Variants in CST7 observed in about 807,000 individuals in gnomAD.
The protein encoded by CST7 is cystatin F, also known as cystatin-F.
A neutral mutation model predicts 13.1 loss-of-function variants in CST7; 15 were observed. That is an observed-to-expected ratio of 1.14 (90% CI 0.77 to 1.76). The LOEUF (loss-of-function observed/expected upper bound fraction) is 1.76. Ranked by LOEUF, CST7 falls within the 40% of genes most tolerant of loss-of-function variation. CST7 has a pLI of 0.00. For synonymous variants in CST7, 75 were observed against 66.9 expected, an observed-to-expected ratio of 1.12 and a Z score of -0.59; for missense variants, 193 against 178.8, an observed-to-expected ratio of 1.08 and a Z score of -0.45.
At chr20:24,958,289 C>T (rs1412517006) in intron 2 of CST7, among the ~76,000 whole-genome samples, 1 of 152,122 alleles carries the variant, frequency 6.6e-6, no homozygotes, top group Non-Finnish European at 1.5e-5. Context: ...CTGGGTGATG[C>T]AGGCCCTCCC....
At chr20:24,957,542 C>T (rs1288465194) in intron 2 of CST7, 83 bp downstream of exon 2, 11 of 1,381,446 alleles carry the variant, frequency 8.0e-6, no homozygotes, top group Admixed American at 3.8e-5. Flanking sequence ...GAGAGCAGGG[C>T]GGATATAATG....
chr20:24,949,532 C>A lies in CST7; in HGVS notation c.27C>A (p.Ala9=). MRAAGTLL[A]FCCLVLSTTG... ...TGCGAGCGGCTGGAACTCTGCTGGC[C>A]TTCTGCTGCCTGGTCTTGAGCACCA... Residue 9 remains alanine (A), a synonymous_variant, in exon 1 of 4, where the codon GCC becomes GCA. Coordinates refer to ENST00000480798, the MANE Select transcript of CST7 (RefSeq NM_003650.4). 6.2e-7 allele frequency: 1 copy of A among 1,614,152 alleles called. No individual in the cohort carries two copies. The highest frequency in any genetic ancestry group is 1.7e-5 in the Admixed American group (1 of 60,026).
intron 1 of CST7, among the ~76,000 whole-genome samples, chr20:24,954,854 TAA>T (rs1296230290): frequency 6.6e-6 from 1 of 152,178 alleles, no homozygotes; most frequent in Non-Finnish European, 1.5e-5. Context: ...TTTTATTTTT[TAA>T]AAAAGTTAAT....
Position 24,953,935 on chromosome 20 carries a change from G to A in CST7, c.71-3352G>A, listed in dbSNP as rs1042717255. Among the ~76,000 whole-genome samples, 8 of 152,094 alleles carry A rather than the reference G, an allele frequency of 5.3e-5. No homozygotes were observed. In the South Asian group the frequency reaches 6.2e-4, roughly 12 times the overall value. Reference sequence around the variant, plus strand: ...TCTGCACCCAGCAGCAGCCTCCAGCGGGGTCTCCCCAACTCTTCCCAGCAC... The same window carrying A: ...TCTGCACCCAGCAGCAGCCTCCAGCAGGGTCTCCCCAACTCTTCCCAGCAC... On this transcript the variant is annotated intron_variant, in intron 1 of 3. Transcript: ENST00000480798.
intron 2 of CST7, 28 bp downstream of exon 2, chr20:24,957,487 C>G (rs1490544623): frequency 2.5e-6 from 4 of 1,607,318 alleles, no homozygotes; most frequent in Non-Finnish European, 3.4e-6. Flanking sequence ...GGTCACATAT[C>G]ACGGACACCC....
chr20:24,951,817 GA>G (rs1431028026), intron 1 of CST7, among the ~76,000 whole-genome samples: 1 of 152,196 alleles, frequency 6.6e-6, no homozygotes, highest in Non-Finnish European at 1.5e-5. Context: ...CCACCCTTTT[GA>G]AAAGGGCTGT....
At chr20:24,955,306 C>T (rs1158989208) in intron 1 of CST7, among the ~76,000 whole-genome samples, 1 of 152,186 alleles carries the variant, frequency 6.6e-6, no homozygotes, top group African/African-American at 2.4e-5. Flanking sequence ...CCCAAGGGAC[C>T]CCTCACTGCC....
In CST7 at chr20:24,949,306, C is replaced by T. The variant is rs2087803851; in HGVS notation, c.-200C>T. On this transcript the variant is annotated 5_prime_UTR_variant, in exon 1 of 4. Transcript: ENST00000480798. ...TGCCCAAGAAGGCTCAGCACAGGCA[C>T]AAACCATTGCCCGGCACTGGCCCGT... The T allele has an allele frequency of 2.7e-6, 4 of 1,484,500 alleles. No homozygotes were observed. Among genetic ancestry groups the T allele is most frequent in the Non-Finnish European group, 3.6e-6 (4 of 1,108,638 alleles). 92.0% of individuals were successfully genotyped at this position (1,484,500 alleles called of 1,614,324 possible). A position where few individuals can be genotyped will look rare whatever the true frequency, so the allele number is the denominator to read the frequency against.
intron 1 of CST7, among the ~76,000 whole-genome samples, chr20:24,952,332 T>C (rs948043862): frequency 4.6e-5 from 7 of 152,206 alleles, no homozygotes. Context: ...GAGCTGGAAT[T>C]CAAACTCCGG....
Position 24,949,638 on chromosome 20 carries a change from C to T in CST7, c.70+63C>T, listed in dbSNP as rs944923617. 6 of 1,597,846 alleles carry T rather than the reference C, an allele frequency of 3.8e-6. No individual in the cohort carries two copies. In the Admixed American group the frequency reaches 5.1e-5, roughly 14 times the overall value. ...TCTCCCTGAGATTGGCCACTGGTGC[C>T]TTGGGTCTTCCCCAGGGCACTTTCC... On this transcript the variant is annotated intron_variant, in intron 1 of 3. Coordinates refer to ENST00000480798, the MANE Select transcript of CST7 (RefSeq NM_003650.4).
chr20:24,955,586 A>C (rs919659227), intron 1 of CST7, among the ~76,000 whole-genome samples: 1 of 151,654 alleles, frequency 6.6e-6, no homozygotes, highest in African/African-American at 2.4e-5. Flanking sequence ...AGTACCTGGG[A>C]CTACAGGTGC....
intron 1 of CST7, among the ~76,000 whole-genome samples, chr20:24,953,945 C>T (rs2087837289): frequency 6.6e-6 from 1 of 152,176 alleles, no homozygotes; most frequent in Non-Finnish European, 1.5e-5. Flanking sequence ...GGGGTCTCCC[C>T]AACTCTTCCC....
intron 2 of CST7, 78 bp downstream of exon 2, chr20:24,957,537 C>G (rs140894411): frequency 1.4e-6 from 2 of 1,408,304 alleles, no homozygotes; most frequent in Middle Eastern, 2.3e-4. Context: ...CCTAGGAGAG[C>G]AGGGCGGATA....
chr20:24,949,410 C>T lies in CST7; in HGVS notation c.-96C>T, dbSNP rs369490177. The T allele has an allele frequency of 1.1e-4, 172 of 1,606,616 alleles. 1 individual carries two copies. In the African/African-American group the frequency reaches 1.8e-3, roughly 16 times the overall value. ...GCCATCTACCCAAGAAGGCTCGGCA[C>T]GGGCACCAACCACTGCCTCCAACTG... On this transcript the variant is annotated 5_prime_UTR_variant, in exon 1 of 4. The change creates a new upstream start codon in the 5' untranslated region. Coordinates refer to ENST00000480798, the MANE Select transcript of CST7 (RefSeq NM_003650.4).
At position 24,957,369 on chromosome 20, in the gene CST7, A is replaced by G; in HGVS notation, c.153A>G (p.Gln51=). 2 of 1,613,824 alleles carry G rather than the reference A, an allele frequency of 1.2e-6. No individual in the cohort carries two copies. Among genetic ancestry groups the G allele is most frequent in the South Asian group, 2.2e-5 (2 of 91,080 alleles). ...TIKTNDPGVL[Q]AARYSVEKFN... ...AGACCAATGACCCAGGAGTCCTCCA[A>G]GCAGCCAGATACAGTGTTGAAAAGT... Residue 51 remains glutamine, a synonymous_variant, in exon 2 of 4, where the codon CAA becomes CAG. Coordinates refer to ENST00000480798, the MANE Select transcript of CST7 (RefSeq NM_003650.4).
intron 1 of CST7, among the ~76,000 whole-genome samples, chr20:24,952,496 C>T (rs1052963603): frequency 1.3e-5 from 2 of 152,200 alleles, no homozygotes; most frequent in Non-Finnish European, 2.9e-5. Context: ...CCCCAAGGAC[C>T]CAGGCTCTCT....
chr20:24,949,823 C>G (rs985074932), intron 1 of CST7, among the ~76,000 whole-genome samples: 1 of 152,204 alleles, frequency 6.6e-6, no homozygotes, highest in Non-Finnish European at 1.5e-5. Context: ...AGGGAAGCAT[C>G]TTCTATTCTC....
At position 24,949,496 on chromosome 20, in the gene CST7, C is replaced by A; in HGVS notation, c.-10C>A. ...CCCAACTGCCCCGCACTGTCCCTAC[C>A]CGGGCAGCCATGCGAGCGGCTGGAA... On this transcript the variant is annotated 5_prime_UTR_variant, in exon 1 of 4. Transcript: ENST00000480798. 1 of 1,614,118 alleles carries A rather than the reference C, an allele frequency of 6.2e-7. No homozygotes were observed. Among genetic ancestry groups the A allele is most frequent in the South Asian group, 1.1e-5 (1 of 91,090 alleles).
intron 1 of CST7, among the ~76,000 whole-genome samples, chr20:24,956,389 C>T (rs2087854379): frequency 6.6e-6 from 1 of 152,178 alleles, no homozygotes; most frequent in South Asian, 2.1e-4. Flanking sequence ...CCCTCAACAC[C>T]CTGGGGCCCA....
Sources: allele counts gnomAD v4.1 joint callset (sites outside exome capture counted in the v4.1 genomes callset), GRCh38; gene constraint gnomAD v4.1.1; transcripts MANE v1.5; gene names NCBI Gene and HGNC (gene_info 2026-07-23, HGNC 2026-07-21).